Variants in BRCC3 observed in about 807,000 individuals in gnomAD.
BRCC3 encodes BRCA1/BRCA2-containing complex subunit 3.
A neutral mutation model predicts 28.0 loss-of-function variants in BRCC3; 15 were observed. That is an observed-to-expected ratio of 0.54 (90% confidence interval 0.36 to 0.82). The LOEUF is 0.82. Ranked by LOEUF, BRCC3 falls within the 40% of genes least tolerant of loss-of-function variation. The probability of loss-of-function intolerance (pLI) is 0.01; values close to 1 mark genes in which losing one functional copy is unlikely to be tolerated. For missense variants in BRCC3, 109 were observed against 225.9 expected (o/e 0.48, Z 3.32); for synonymous variants, 66 against 80.3 (o/e 0.82, Z 0.95).
intron 10 of BRCC3, among the ~76,000 whole-genome samples, chrX:155,120,749 ACTC>A (rs2074384149): frequency 9.0e-6 from 1 of 111,018 alleles, no homozygotes; most frequent in African/African-American, 3.3e-5. Context: ...TCTGAAGTAA[ACTC>A]CTATTGAGCA....
intron 7 of BRCC3, among the ~76,000 whole-genome samples, chrX:155,094,284 CCAGA>C (rs1479055647): frequency 3.6e-5 from 4 of 110,665 alleles, no homozygotes; most frequent in South Asian, 3.8e-4. Flanking sequence ...ATACTTCCTC[CCAGA>C]CAGTTTATCA....
At position 155,071,521 on chromosome X, in the gene BRCC3, G is replaced by A; in HGVS notation, c.-7G>A. On this transcript the variant is annotated 5_prime_UTR_variant, in exon 1 of 11. Coordinates refer to ENST00000330045, the MANE Select transcript of BRCC3 (RefSeq NM_001018055.3). ...CCCGAGGCGGACGTGAGAAGGGTCG[G>A]GCCAAGATGGCGGTGCAGGTGGTGC... 8.3e-7 allele frequency: 1 copy of A among 1,198,899 alleles called. No homozygotes were observed. Among genetic ancestry groups the A allele is most frequent in the Non-Finnish European group, 1.1e-6 (1 of 888,968 alleles).
chrX:155,089,108 T>A (rs1162571340), intron 5 of BRCC3, among the ~76,000 whole-genome samples, 155 bp from the exon 6 acceptor site: 1 of 111,962 alleles, frequency 8.9e-6, no homozygotes, highest in East Asian at 2.8e-4. Flanking sequence ...TTTGATATTG[T>A]CCTTAGGATA....
chrX:155,098,361 T>C (rs2074224423), intron 7 of BRCC3, among the ~76,000 whole-genome samples: 1 of 112,381 alleles, frequency 8.9e-6, no homozygotes, highest in South Asian at 3.7e-4. Flanking sequence ...AATTTAAAAT[T>C]TTGAAATTTC....
intron 7 of BRCC3, among the ~76,000 whole-genome samples, chrX:155,095,637 T>G (rs1366426037): frequency 9.0e-6 from 1 of 111,616 alleles, no homozygotes; most frequent in Non-Finnish European, 1.9e-5. Flanking sequence ...GTAGCCTAAG[T>G]GTTCAGTGTT....
intron 2 of BRCC3, among the ~76,000 whole-genome samples, chrX:155,072,992 A>G (rs782776984): frequency 1.3e-4 from 15 of 112,116 alleles, no homozygotes; most frequent in African/African-American, 4.2e-4. Context: ...TGACAGTGAC[A>G]TTGCCTTTCC....
intron 3 of BRCC3, among the ~76,000 whole-genome samples, chrX:155,075,761 T>C (rs1283607036): frequency 8.9e-6 from 1 of 112,413 alleles, no homozygotes; most frequent in Non-Finnish European, 1.9e-5. Flanking sequence ...AATAATTTTT[T>C]TTCCTTCGAG....
At chrX:155,096,433 T>A (rs2074210206) in intron 7 of BRCC3, among the ~76,000 whole-genome samples, 1 of 112,442 alleles carries the variant, frequency 8.9e-6, no homozygotes, top group Admixed American at 9.4e-5. Context: ...ACCTAAATTT[T>A]AAAAAATGTG....
chrX:155,108,544 C>G (rs1385816139), intron 7 of BRCC3, among the ~76,000 whole-genome samples: 2 of 112,347 alleles, frequency 1.8e-5, no homozygotes, highest in Non-Finnish European at 1.9e-5. Context: ...AACAGCTTCA[C>G]TGACAATTAG....
At chrX:155,120,751 T>G in intron 10 of BRCC3, among the ~76,000 whole-genome samples, 1 of 111,408 alleles carries the variant, frequency 9.0e-6, no homozygotes, top group African/African-American at 3.3e-5. Context: ...TGAAGTAAAC[T>G]CCTATTGAGC....
intron 5 of BRCC3, among the ~76,000 whole-genome samples, chrX:155,080,941 A>G (rs2074080373): frequency 8.9e-6 from 1 of 112,278 alleles, no homozygotes; most frequent in African/African-American, 3.2e-5. Context: ...GGACATGGAG[A>G]GAGTATATGA....
At chrX:155,081,157 C>G (rs1324212811) in intron 5 of BRCC3, among the ~76,000 whole-genome samples, 1 of 109,792 alleles carries the variant, frequency 9.1e-6, no homozygotes, top group Non-Finnish European at 1.9e-5. Flanking sequence ...AAGGTGAAAC[C>G]CTGTTTCTAT....
At chrX:155,107,803 G>A (rs1001520543) in intron 7 of BRCC3, among the ~76,000 whole-genome samples, 2 of 111,534 alleles carry the variant, frequency 1.8e-5, no homozygotes, top group Non-Finnish European at 3.8e-5. Flanking sequence ...CCCTTCAGCT[G>A]TAGATTTCAA....
At chrX:155,077,311 A>G in intron 4 of BRCC3, 22 bp downstream of exon 4, 1 of 1,161,099 alleles carries the variant, frequency 8.6e-7, no homozygotes, top group Non-Finnish European at 1.2e-6. Context: ...GGTCAATAGA[A>G]GCTTTTATGT....
chrX:155,075,272 A>T (rs1467054565), intron 3 of BRCC3, among the ~76,000 whole-genome samples: 4 of 51,224 alleles, frequency 7.8e-5, no homozygotes, highest in African/African-American at 5.5e-4. Flanking sequence ...AACATCTGAT[A>T]ATGCTAAGCC....
At chrX:155,083,261 T>C (rs1408509261) in intron 5 of BRCC3, among the ~76,000 whole-genome samples, 5 of 112,613 alleles carry the variant, frequency 4.4e-5, no homozygotes, top group Non-Finnish European at 7.5e-5. Context: ...TTCCATGATA[T>C]CTCTGATCAG....
intron 2 of BRCC3, among the ~76,000 whole-genome samples, chrX:155,072,838 G>A (rs950315260): frequency 9.0e-6 from 1 of 110,563 alleles, no homozygotes; most frequent in Non-Finnish European, 1.9e-5. Flanking sequence ...AATTTCAGGC[G>A]TGAGCCACCA....
chrX:155,088,352 CTTT>C (rs781981831), intron 5 of BRCC3, among the ~76,000 whole-genome samples: 3 of 90,317 alleles, frequency 3.3e-5, no homozygotes. Context: ...TAGTTTTTGG[CTTT>C]TTTTTTTTTT....
chrX:155,086,336 C>T (rs1386632978), intron 5 of BRCC3, among the ~76,000 whole-genome samples: 1 of 111,442 alleles, frequency 9.0e-6, no homozygotes, highest in African/African-American at 3.3e-5. Flanking sequence ...GTAGAGAACC[C>T]CACCTGCCCG....
Sources: allele counts gnomAD v4.1 joint callset (sites outside exome capture counted in the v4.1 genomes callset), GRCh38; gene constraint gnomAD v4.1.1; transcripts MANE v1.5; gene names NCBI Gene and HGNC (gene_info 2026-07-23, HGNC 2026-07-21).